KCNT2: variants seen among roughly 807,000 people sequenced by gnomAD.
The protein encoded by KCNT2 is potassium channel subfamily T member 2.
KCNT2 carries 67 observed loss-of-function variants against 153.8 expected under a neutral mutation model. The observed-to-expected ratio is 0.44, with a 90% CI of 0.36 to 0.53. The LOEUF is 0.53. KCNT2 is among the 20% of genes least tolerant of loss of function. KCNT2 has a pLI of 0.00. For missense variants in KCNT2, 975 were observed against 1,354.8 expected, an observed-to-expected ratio of 0.72 and a Z score of 4.40; for synonymous variants, 500 against 458.8, an observed-to-expected ratio of 1.09 and a Z score of -1.15.
chr1:196,535,531 A>G (rs1225130414), intron 1 of KCNT2, among the ~76,000 whole-genome samples: 1 of 152,208 alleles, frequency 6.6e-6, no homozygotes, highest in Non-Finnish European at 1.5e-5. Context: ...TCTCTAAAAC[A>G]TTTTTTAGAA....
rs1664075290 is a variant in KCNT2 at position 196,596,272 on chromosome 1, T to G, written c.95+11943A>C. ...AGTATGGGATTGCTAGATCAAATGG[T>G]AGTACAACTTTTAGTTTTTCAAGGA... On this transcript the variant is annotated intron_variant, in intron 1 of 27. Transcript: ENST00000294725. 2.6e-5 allele frequency among the ~76,000 whole-genome samples: 4 copies of G among 152,196 alleles called. No homozygotes were observed. The South Asian group carries it at 8.3e-4, about 32-fold the overall frequency.
At chr1:196,506,734 T>C (rs1681177777) in intron 1 of KCNT2, among the ~76,000 whole-genome samples, 1 of 152,176 alleles carries the variant, frequency 6.6e-6, no homozygotes, top group Non-Finnish European at 1.5e-5. Flanking sequence ...TAAAGCTTAC[T>C]CACTAAGTGA....
At chr1:196,280,495 T>C (rs1658993420) in intron 25 of KCNT2, among the ~76,000 whole-genome samples, 1 of 152,200 alleles carries the variant, frequency 6.6e-6, no homozygotes, top group South Asian at 2.1e-4. Context: ...GGGTATACAT[T>C]AGAAATCTAG....
At chr1:196,474,508 T>G (rs962829807) in intron 5 of KCNT2, among the ~76,000 whole-genome samples, 2 of 152,098 alleles carry the variant, frequency 1.3e-5, no homozygotes, top group African/African-American at 2.4e-5. Context: ...TATTCAGGAG[T>G]CCTGGACTAA....
chr1:196,238,711 T>C (rs1014281715), intron 26 of KCNT2, among the ~76,000 whole-genome samples: 1 of 151,838 alleles, frequency 6.6e-6, no homozygotes, highest in Non-Finnish European at 1.5e-5. Flanking sequence ...TAAGAAGCAT[T>C]TGGAGAAATA....
intron 14 of KCNT2, among the ~76,000 whole-genome samples, chr1:196,354,392 T>C (rs1667005337): frequency 6.6e-6 from 1 of 151,764 alleles, no homozygotes; most frequent in African/African-American, 2.4e-5. Context: ...GATTTTCATA[T>C]TAGTTACTTT....
chr1:196,256,053 T>C (rs532023350), intron 26 of KCNT2, among the ~76,000 whole-genome samples: 23 of 152,116 alleles, frequency 1.5e-4, no homozygotes, highest in Non-Finnish European at 2.5e-4. Flanking sequence ...TATTTCATAG[T>C]TGAGTTTTCA....
At chr1:196,285,091 A>G (rs986683944) in intron 23 of KCNT2, among the ~76,000 whole-genome samples, 1 of 152,182 alleles carries the variant, frequency 6.6e-6, no homozygotes, top group Non-Finnish European at 1.5e-5. Context: ...GTGTGAACAA[A>G]CACCTCCACA....
intron 14 of KCNT2, among the ~76,000 whole-genome samples, chr1:196,371,192 T>C (rs1290511065): frequency 8.7e-6 from 1 of 115,224 alleles, no homozygotes; most frequent in Non-Finnish European, 1.6e-5. Context: ...GAGACTAGCC[T>C]GGGCAACATG....
chr1:196,460,553 C>T (rs1472010517), intron 8 of KCNT2, among the ~76,000 whole-genome samples: 1 of 151,588 alleles, frequency 6.6e-6, no homozygotes, highest in African/African-American at 2.4e-5. Flanking sequence ...TCTTTGCGCT[C>T]ATGAATTATA....
At chr1:196,295,861 A>T (rs958095996) in intron 22 of KCNT2, among the ~76,000 whole-genome samples, 2 of 152,026 alleles carry the variant, frequency 1.3e-5, no homozygotes, top group African/African-American at 4.8e-5. Flanking sequence ...TAGAAGATAA[A>T]CAAAGGATGC....
intron 26 of KCNT2, among the ~76,000 whole-genome samples, chr1:196,236,274 A>G (rs1223051313): frequency 6.6e-6 from 1 of 151,462 alleles, no homozygotes; most frequent in African/African-American, 2.4e-5. Flanking sequence ...TTTTGTTCCA[A>G]TAGATGATAA....
At chr1:196,380,933 T>G (rs1215592323) in intron 13 of KCNT2, among the ~76,000 whole-genome samples, 2 of 152,152 alleles carry the variant, frequency 1.3e-5, no homozygotes, top group Non-Finnish European at 1.5e-5. Context: ...CGTCAGAAAC[T>G]TTGCCAATTC....
chr1:196,281,049 C>T (rs2147868631), intron 24 of KCNT2, 61 bp from the exon 25 acceptor site: 1 of 1,274,434 alleles, frequency 7.8e-7, no homozygotes, highest in African/African-American at 1.5e-5. Context: ...CTAGTGGTAA[C>T]TTTACATTTC....
intron 8 of KCNT2, among the ~76,000 whole-genome samples, chr1:196,437,318 A>G (rs528398783): frequency 2.2e-5 from 3 of 134,640 alleles, no homozygotes; most frequent in African/African-American, 8.1e-5. Context: ...TTATATATTT[A>G]TATACATAAA....
At chr1:196,255,901 T>G (rs1209381826) in intron 26 of KCNT2, among the ~76,000 whole-genome samples, 1 of 151,860 alleles carries the variant, frequency 6.6e-6, no homozygotes, top group Admixed American at 6.6e-5. Flanking sequence ...TCAGAAAATA[T>G]TAACAATTTT....
intron 10 of KCNT2, 26 bp downstream of exon 10, chr1:196,428,079 T>TAGC (rs1673809711): frequency 6.3e-7 from 1 of 1,582,004 alleles, no homozygotes; most frequent in Non-Finnish European, 8.7e-7. Flanking sequence ...TGATCCAGTA[T>TAGC]AGCACATAAT....
chr1:196,543,613 T>C (rs1383285778), intron 1 of KCNT2, among the ~76,000 whole-genome samples: 2 of 152,152 alleles, frequency 1.3e-5, no homozygotes, highest in African/African-American at 4.8e-5. Flanking sequence ...GTTCGGAAAA[T>C]GGATGTCCAC....
At chr1:196,458,147 ATAT>A (rs1420110272) in intron 8 of KCNT2, among the ~76,000 whole-genome samples, 1 of 151,892 alleles carries the variant, frequency 6.6e-6, no homozygotes, top group Non-Finnish European at 1.5e-5. Context: ...TAGGTGTATA[ATAT>A]TCTCATTCCT....
Sources: allele counts gnomAD v4.1 joint callset (sites outside exome capture counted in the v4.1 genomes callset), GRCh38; gene constraint gnomAD v4.1.1; transcripts MANE v1.5; gene names NCBI Gene and HGNC (gene_info 2026-07-23, HGNC 2026-07-21).